PTPRQ: variants seen among roughly 807,000 people sequenced by gnomAD.
The protein encoded by PTPRQ is protein tyrosine phosphatase receptor type Q.
Under a neutral mutation model 246.0 loss-of-function variants are expected in PTPRQ, and 199 were observed. The observed-to-expected ratio is 0.81, with a 90% CI of 0.72 to 0.91. The LOEUF (loss-of-function observed/expected upper bound fraction) is 0.91, where lower values mean the gene tolerates loss of function less well. Ranked by LOEUF, PTPRQ falls within the 40% of genes least tolerant of loss-of-function variation. The pLI is 0.00. For missense variants in PTPRQ, 2,624 were observed against 2,528.4 expected (o/e 1.04, Z -0.81); for synonymous variants, 869 against 853.2 (o/e 1.02, Z -0.32).
In PTPRQ at chr12:80,642,402, T is replaced by A. The variant is rs562692642; in HGVS notation, c.5916-6495T>A. ...AAATTCTACCCTGTTGCCCCGGATG[T>A]AGCTAAACAATGCCCATGGTTTTCA... On this transcript the variant is annotated intron_variant, in intron 35 of 44. Transcript: ENST00000644991. Among the ~76,000 whole-genome samples the A allele has an allele frequency of 1.2e-4, 19 of 152,338 alleles. 1 individual carries two copies. In the South Asian group the frequency reaches 1.7e-3, roughly 13 times the overall value.
chr12:80,524,908 G>C (rs1334602547), intron 17 of PTPRQ, among the ~76,000 whole-genome samples: 1 of 152,094 alleles, frequency 6.6e-6, no homozygotes, highest in African/African-American at 2.4e-5. Flanking sequence ...ATTGGCCTTT[G>C]TTCTAAAAAT....
intron 18 of PTPRQ, 108 bp from the exon 19 acceptor site, chr12:80,534,784 A>G (rs1895939390): frequency 1.5e-6 from 2 of 1,361,468 alleles, no homozygotes; most frequent in Non-Finnish European, 1.9e-6. Context: ...CTTTTTTGAA[A>G]AACATTTTTT....
intron 25 of PTPRQ, among the ~76,000 whole-genome samples, chr12:80,585,019 G>A (rs1214019726): frequency 6.6e-6 from 1 of 151,576 alleles, no homozygotes; most frequent in African/African-American, 2.4e-5. Flanking sequence ...CAATAGATCT[G>A]TAAATAATTC....
chr12:80,661,929 GA>G (rs1401907773), intron 39 of PTPRQ, among the ~76,000 whole-genome samples: 2 of 151,758 alleles, frequency 1.3e-5, no homozygotes, highest in Non-Finnish European at 2.9e-5. Flanking sequence ...TTATAATTAG[GA>G]AACTGAAGAT....
At chr12:80,470,950 A>T (rs1368954714) in intron 7 of PTPRQ, among the ~76,000 whole-genome samples, 1 of 152,184 alleles carries the variant, frequency 6.6e-6, no homozygotes. Context: ...ATTCTGAAAA[A>T]CTAGATTATT....
At chr12:80,649,008 C>T (rs1900167774) in intron 36 of PTPRQ, 85 bp downstream of exon 36, 19 of 1,295,390 alleles carry the variant, frequency 1.5e-5, no homozygotes, top group South Asian at 1.9e-5. Flanking sequence ...GTGTGATTCA[C>T]TTTTTGTATG....
intron 25 of PTPRQ, among the ~76,000 whole-genome samples, chr12:80,559,396 T>C (rs1178570879): frequency 6.6e-6 from 1 of 152,170 alleles, no homozygotes; most frequent in Non-Finnish European, 1.5e-5. Flanking sequence ...GCAAAACTTT[T>C]TAATTTTGAT....
chr12:80,672,989 C>T (rs1200047719), intron 42 of PTPRQ, among the ~76,000 whole-genome samples, 180 bp from the exon 43 acceptor site: 3 of 152,032 alleles, frequency 2.0e-5, no homozygotes, highest in Admixed American at 6.6e-5. Context: ...AATCATCTTG[C>T]CTTGTTTAAA....
intron 39 of PTPRQ, among the ~76,000 whole-genome samples, chr12:80,665,055 T>C (rs1046498238): frequency 1.3e-5 from 2 of 151,984 alleles, no homozygotes; most frequent in Non-Finnish European, 2.9e-5. Flanking sequence ...ATAGGCCATC[T>C]GCAAGCTGAG....
At chr12:80,577,174 G>A (rs1306849007) in intron 25 of PTPRQ, among the ~76,000 whole-genome samples, 2 of 152,162 alleles carry the variant, frequency 1.3e-5, no homozygotes, top group African/African-American at 4.8e-5. Flanking sequence ...CTTTGTATTA[G>A]TCTGTTCTCA....
chr12:80,595,993 G>A (rs1422165744), intron 26 of PTPRQ, among the ~76,000 whole-genome samples: 1 of 151,848 alleles, frequency 6.6e-6, no homozygotes, highest in Admixed American at 6.6e-5. Context: ...AAACAGTGAA[G>A]GAAAATAATA....
chr12:80,613,528 T>C, intron 28 of PTPRQ, 64 bp from the exon 29 acceptor site: 18 of 1,411,996 alleles, frequency 1.3e-5, no homozygotes, highest in Non-Finnish European at 1.7e-5. Context: ...AGCAAATAAA[T>C]TTATGTGGAG....
chr12:80,671,683 T>C (rs1035207704), intron 42 of PTPRQ, among the ~76,000 whole-genome samples: 2 of 152,100 alleles, frequency 1.3e-5, no homozygotes, highest in African/African-American at 4.8e-5. Flanking sequence ...ACTGAATGAC[T>C]AAAAAGTTCT....
In PTPRQ at chr12:80,649,636, A is replaced by C; in HGVS notation, c.5991A>C (p.Thr1997=). 6.5e-7 allele frequency: 1 copy of C among 1,549,630 alleles called. No homozygotes were observed. Among genetic ancestry groups the C allele is most frequent in the Non-Finnish European group, 8.7e-7 (1 of 1,145,702 alleles). ...TGCAACATGTTGAAGAGCTTTGCAC[A>C]AACAACAACCTAAAGTTTCAAGAAG... ...SFLQHVEELC[T]NNNLKFQEEF... Residue 1997 remains threonine, a synonymous_variant, in exon 37 of 45, where the codon ACA becomes ACC. Coordinates refer to ENST00000644991, the MANE Select transcript of PTPRQ (RefSeq NM_001145026.2).
At chr12:80,469,653 C>T (rs959675483) in intron 7 of PTPRQ, among the ~76,000 whole-genome samples, 3 of 152,166 alleles carry the variant, frequency 2.0e-5, no homozygotes, top group African/African-American at 7.2e-5. Context: ...TCATCACCAT[C>T]ATGAGTAACC....
intron 27 of PTPRQ, among the ~76,000 whole-genome samples, chr12:80,609,938 T>C (rs1311224775): frequency 2.0e-5 from 3 of 150,610 alleles, no homozygotes; most frequent in African/African-American, 4.8e-5. Context: ...TTGAAATCTA[T>C]GTGCCAACTA....
intron 6 of PTPRQ, among the ~76,000 whole-genome samples, chr12:80,466,351 A>G (rs933425017): frequency 7.2e-5 from 11 of 152,172 alleles, no homozygotes; most frequent in African/African-American, 2.7e-4. Flanking sequence ...TCAATGAAAT[A>G]AAAGAGGATA....
Position 80,639,507 on chromosome 12 carries a change from C to T in PTPRQ, c.5915+4434C>T, listed in dbSNP as rs766704926. Among the ~76,000 whole-genome samples the T allele has an allele frequency of 1.2e-4, 19 of 152,074 alleles. No individual in the cohort carries two copies. The South Asian group carries it at 1.7e-3, about 13-fold the overall frequency. On this transcript the variant is annotated intron_variant, in intron 35 of 44. Coordinates refer to ENST00000644991, the MANE Select transcript of PTPRQ (RefSeq NM_001145026.2). Reference sequence around the variant, plus strand: ...GCCTCAAAGCCCAATCCAATAATCACGAATAGAATTAAAATTCACAAGATA... The same window carrying T: ...GCCTCAAAGCCCAATCCAATAATCATGAATAGAATTAAAATTCACAAGATA...
rs557097773 is a variant in PTPRQ, at chr12:80,487,784, C to G, written c.1359+3179C>G. 3.9e-5 allele frequency among the ~76,000 whole-genome samples: 6 copies of G among 152,212 alleles called. 1 individual carries two copies. The East Asian group carries it at 9.7e-4, about 25-fold the overall frequency. On this transcript the variant is annotated intron_variant, in intron 9 of 44. Coordinates refer to ENST00000644991, the MANE Select transcript of PTPRQ (RefSeq NM_001145026.2). ...AGTCCCTTGCCTGGACTACTGTTAT[C>G]TCACTATATTAGTTTTCCATTGTTC...
Sources: gnomAD v4.1 joint callset for allele counts (sites outside exome capture counted in the v4.1 genomes callset) on GRCh38, gnomAD v4.1.1 for gene constraint, MANE v1.5 for transcripts, NCBI Gene and HGNC (gene_info 2026-07-23, HGNC 2026-07-21) for gene names.